NDUFA10: variants seen among roughly 807,000 people sequenced by gnomAD.
The protein encoded by NDUFA10 is NADH:ubiquinone oxidoreductase subunit A10.
Under a neutral mutation model 47.8 loss-of-function variants are expected in NDUFA10, and 40 were observed. That is an observed-to-expected ratio of 0.84 (90% CI 0.65 to 1.09). The LOEUF (loss-of-function observed/expected upper bound fraction) is 1.09. NDUFA10 is among the 50% of genes least tolerant of loss of function. The pLI, the probability that NDUFA10 is intolerant of heterozygous loss-of-function variation, is 0.00. For synonymous variants in NDUFA10, 183 were observed against 172.2 expected, an observed-to-expected ratio of 1.06 and a Z score of -0.49; for missense variants, 413 against 451.1, an observed-to-expected ratio of 0.92 and a Z score of 0.76.
In NDUFA10 at chr2:240,017,845, T is replaced by TCAA. The variant is rs780367961; in HGVS notation, c.547+705_547+707dup. Reference sequence around the variant, plus strand: ...TTGCTTCGGCCTCCTCTTTCATTAATCAACAGTACTTCCTCTGAGCTCCCA... The same window carrying TCAA: ...TTGCTTCGGCCTCCTCTTTCATTAATCAACAACAGTACTTCCTCTGAGCTCCCA... On this transcript the variant is annotated intron_variant, in intron 4 of 9. Transcript: ENST00000252711. 7 of 1,568,848 alleles carry TCAA rather than the reference T, an allele frequency of 4.5e-6. No homozygotes were observed. The South Asian group carries it at 7.1e-5, about 16-fold the overall frequency.
chr2:239,934,698 G>T (rs547322643), intron 4 of NDUFA10, among the ~76,000 whole-genome samples: 1 of 152,232 alleles, frequency 6.6e-6, no homozygotes, highest in African/African-American at 2.4e-5. Flanking sequence ...GACCTCATTC[G>T]TCCTGTCAGC....
intron 9 of NDUFA10, among the ~76,000 whole-genome samples, chr2:239,985,770 G>C (rs930581530): frequency 2.0e-5 from 3 of 152,082 alleles, no homozygotes; most frequent in African/African-American, 7.2e-5. Context: ...AATTAGCTGG[G>C]CATGGTGGCG....
At chr2:239,978,094 A>C (rs1245490366) in intron 9 of NDUFA10, among the ~76,000 whole-genome samples, 1 of 152,064 alleles carries the variant, frequency 6.6e-6, no homozygotes, top group Non-Finnish European at 1.5e-5. Context: ...TGCTTGGTGA[A>C]CTGGGATCTC....
At chr2:239,941,183 C>G (rs1432686009) in intron 4 of NDUFA10, among the ~76,000 whole-genome samples, 2 of 152,212 alleles carry the variant, frequency 1.3e-5, no homozygotes, top group African/African-American at 2.4e-5. Context: ...TGACCCATAA[C>G]CATTTACGTT....
intron 5 of NDUFA10, chr2:240,012,062 T>C: frequency 3.0e-6 from 1 of 336,242 alleles, no homozygotes; most frequent in Non-Finnish European, 5.8e-6. Flanking sequence ...GCGGCCTGTC[T>C]GTCCGCCATC....
In NDUFA10 at chr2:239,932,450, C is replaced by T. The variant is rs113008881; in HGVS notation, c.295-37136G>A. 2.9e-3 allele frequency among the ~76,000 whole-genome samples: 438 copies of T among 152,364 alleles called. 1 individual carries two copies. Among genetic ancestry groups the T allele is most frequent in the Middle Eastern group, 0.014 (4 of 294 alleles). On this transcript the variant is annotated intron_variant, in intron 4 of 5. Transcript: ENST00000419408. Reference sequence around the variant, plus strand: ...TTCTGCGCTTTTCCATGACACGGCACCCCCGCAAGCCCGCAGGCGTGTAGA... The same window carrying T: ...TTCTGCGCTTTTCCATGACACGGCATCCCCGCAAGCCCGCAGGCGTGTAGA...
Position 239,958,995 on chromosome 2 carries a change from A to C in NDUFA10, c.*2123T>G, listed in dbSNP as rs1010478209. The C allele has an allele frequency of 4.1e-6, 4 of 985,354 alleles. No homozygotes were observed. In the African/African-American group the frequency reaches 7.0e-5, roughly 17 times the overall value. The allele number at this position is 985,354 out of a possible 1,614,324, so 61.0% of individuals were successfully genotyped here. On this transcript the variant is annotated 3_prime_UTR_variant, in exon 10 of 10. Coordinates refer to ENST00000252711, the MANE Select transcript of NDUFA10 (RefSeq NM_004544.4). ...TGAGACGAACGCATGTACTGCTCTG[A>C]AATAAGGAAATCGGGGCATCTCCTC... is the stretch of plus-strand genomic sequence containing the variant.
At chr2:239,924,741 G>C (rs1196753389) in intron 4 of NDUFA10, among the ~76,000 whole-genome samples, 1 of 152,000 alleles carries the variant, frequency 6.6e-6, no homozygotes, top group Non-Finnish European at 1.5e-5. Flanking sequence ...AAATGGCATA[G>C]AGATTGGAAA....
chr2:239,968,817 G>A (rs11893710), intron 9 of NDUFA10, among the ~76,000 whole-genome samples: 2,028 of 152,182 alleles, frequency 0.013, 41 homozygotes, highest in African/African-American at 0.046. Flanking sequence ...GTTCACTTAG[G>A]GCTGAGAGTC....
At chr2:239,982,183 T>C (rs1203725573) in intron 9 of NDUFA10, 1 of 1,612,770 alleles carries the variant, frequency 6.2e-7, no homozygotes, top group Non-Finnish European at 8.5e-7. Flanking sequence ...CCCTCTCTTG[T>C]ACTCTGCACA....
In NDUFA10 at chr2:239,959,522, A is replaced by C; in HGVS notation, c.*1596T>G. On this transcript the variant is annotated 3_prime_UTR_variant, in exon 10 of 10. Coordinates refer to ENST00000252711, the MANE Select transcript of NDUFA10 (RefSeq NM_004544.4). Reference sequence around the variant, plus strand: ...AGCTGTGCTTTCATTTCATGATTAAAGCTGTTGGTTTCCTAGTGAAATGCA... The same window carrying C: ...AGCTGTGCTTTCATTTCATGATTAACGCTGTTGGTTTCCTAGTGAAATGCA... The C allele has an allele frequency of 2.0e-6, 2 of 985,494 alleles. No individual in the cohort carries two copies. The highest frequency in any genetic ancestry group is 2.4e-6 in the Non-Finnish European group (2 of 829,946). The allele number at this position is 985,494 out of a possible 1,614,324, so 61.0% of individuals were successfully genotyped here. A position where few individuals can be genotyped will look rare whatever the true frequency, so the allele number is the denominator to read the frequency against.
In NDUFA10 at chr2:240,017,922, CGTCA is replaced by C. The variant is rs747163429; in HGVS notation, c.547+627_547+630del. The C allele has an allele frequency of 3.2e-6, 5 of 1,552,092 alleles. No homozygotes were observed. In the South Asian group the frequency reaches 5.9e-5, roughly 18 times the overall value. On this transcript the variant is annotated intron_variant, in intron 4 of 9. Coordinates refer to ENST00000252711, the MANE Select transcript of NDUFA10 (RefSeq NM_004544.4). ...CACCCCAGTCTACAGATGAAAATGC[CGTCA>C]GTCAGACTGTCCACCAGGCCTATTC...
At chr2:239,949,723 C>T (rs563496162) in intron 4 of NDUFA10, among the ~76,000 whole-genome samples, 21 of 152,252 alleles carry the variant, frequency 1.4e-4, no homozygotes, top group Admixed American at 6.5e-4. Flanking sequence ...CTCAAGCGAT[C>T]CTCCCACCTC....
intron 8 of NDUFA10, among the ~76,000 whole-genome samples, chr2:240,002,159 G>A (rs1189295860): frequency 6.6e-6 from 1 of 151,958 alleles, no homozygotes; most frequent in Non-Finnish European, 1.5e-5. Flanking sequence ...GCGAAACCCT[G>A]TCTCTACTAA....
At chr2:240,018,183 A>G (rs1051462120) in intron 4 of NDUFA10, among the ~76,000 whole-genome samples, 1 of 152,214 alleles carries the variant, frequency 6.6e-6, no homozygotes, top group Non-Finnish European at 1.5e-5. Flanking sequence ...CATCAAAATC[A>G]CACACTAGAA....
chr2:240,009,610 T>C (rs1218215766), intron 6 of NDUFA10, among the ~76,000 whole-genome samples: 1 of 152,168 alleles, frequency 6.6e-6, no homozygotes, highest in Non-Finnish European at 1.5e-5. Context: ...ACAAAAACAG[T>C]GAAGCATCAC....
chr2:239,961,378 C>T lies in NDUFA10; in HGVS notation c.1000-192G>A, dbSNP rs4077388. Among the ~76,000 whole-genome samples, 19,697 of 152,272 alleles carry T rather than the reference C, an allele frequency of 0.13. 1,340 individuals are homozygous for T. Among genetic ancestry groups the T allele is most frequent in the East Asian group, 0.24 (1,266 of 5,174 alleles). Reference sequence around the variant, plus strand: ...ACAGGTACACAAACCACAACCCAGCCCTGCCTGCCAGAAGCTTCTGTCCTA... The same window carrying T: ...ACAGGTACACAAACCACAACCCAGCTCTGCCTGCCAGAAGCTTCTGTCCTA... On this transcript the variant is annotated intron_variant, in intron 9 of 9. Coordinates refer to ENST00000252711, the MANE Select transcript of NDUFA10 (RefSeq NM_004544.4).
chr2:239,942,868 TC>T (rs1694383028), intron 4 of NDUFA10: 1 of 152,716 alleles, frequency 6.5e-6, no homozygotes, highest in Non-Finnish European at 1.5e-5. Flanking sequence ...AGGCTCGTCT[TC>T]CCCTCTTAGC....
intron 4 of NDUFA10, among the ~76,000 whole-genome samples, chr2:240,018,215 A>C (rs900796671): frequency 1.3e-5 from 2 of 152,228 alleles, no homozygotes; most frequent in Non-Finnish European, 2.9e-5. Flanking sequence ...TGTTACAATT[A>C]GAGCTACAGC....
Sources: gnomAD v4.1 joint callset for allele counts (sites outside exome capture counted in the v4.1 genomes callset) on GRCh38, gnomAD v4.1.1 for gene constraint, MANE v1.5 for transcripts, NCBI Gene and HGNC (gene_info 2026-07-23, HGNC 2026-07-21) for gene names.